The following FRMD6 variants were observed in gnomAD, a reference collection of about 807,000 sequenced individuals.
The protein encoded by FRMD6 is FERM domain containing 6.
FRMD6 carries 37 observed loss-of-function variants against 73.2 expected under a neutral mutation model. That is an observed-to-expected ratio of 0.51 (90% CI 0.39 to 0.66). The LOEUF (loss-of-function observed/expected upper bound fraction) is 0.66, where lower values mean the gene tolerates loss of function less well. Among genes scored for constraint, FRMD6 ranks in the 30% least tolerant of loss-of-function variants. FRMD6 has a pLI of 0.00. For synonymous variants in FRMD6, 273 were observed against 282.2 expected, an observed-to-expected ratio of 0.97 and a Z score of 0.33; for missense variants, 714 against 780.5, an observed-to-expected ratio of 0.91 and a Z score of 1.02.
chr14:51,458,638 A>G, the FRMD6 span, among the ~76,000 whole-genome samples: 2 of 152,232 alleles, frequency 1.3e-5, no homozygotes, highest in Non-Finnish European at 2.9e-5. Flanking sequence ...AGCAAAGTGA[A>G]AATGAAGAAT....
At chr14:51,665,099 A>G (rs1445354217) in intron 1 of FRMD6, among the ~76,000 whole-genome samples, 1 of 152,224 alleles carries the variant, frequency 6.6e-6, no homozygotes, top group Non-Finnish European at 1.5e-5. Flanking sequence ...TTGGCTGCAG[A>G]CATGTTTTGG....
the FRMD6 span, among the ~76,000 whole-genome samples, chr14:51,441,850 G>C: frequency 6.6e-6 from 1 of 152,188 alleles, no homozygotes; most frequent in African/African-American, 2.4e-5. Flanking sequence ...GAAAATTACT[G>C]TAAATATGCA....
At chr14:51,697,572 C>T (rs1055077838) in intron 2 of FRMD6, among the ~76,000 whole-genome samples, 1 of 151,938 alleles carries the variant, frequency 6.6e-6, no homozygotes, top group African/African-American at 2.4e-5. Context: ...ATTTATTGTA[C>T]AACGTGGTGA....
At chr14:51,722,185 A>T in intron 12 of FRMD6, 105 bp downstream of exon 12, 1 of 1,166,842 alleles carries the variant, frequency 8.6e-7, no homozygotes, top group Non-Finnish European at 1.2e-6. Flanking sequence ...CCTAGACCAG[A>T]GACTGGACTG....
intron 2 of FRMD6, among the ~76,000 whole-genome samples, chr14:51,690,889 A>G (rs903352635): frequency 6.6e-6 from 1 of 152,136 alleles, no homozygotes; most frequent in African/African-American, 2.4e-5. Context: ...TATAATTTAC[A>G]TACTGCAAAG....
chr14:51,700,080 T>TCAAAGTGTAG (rs1290864184), intron 3 of FRMD6, among the ~76,000 whole-genome samples: 2 of 151,888 alleles, frequency 1.3e-5, no homozygotes, highest in Non-Finnish European at 2.9e-5. Context: ...CAGCTTGGAG[T>TCAAAGTGTAG]CAAAGTGTAG....
the FRMD6 span, chr14:51,454,960 A>C: frequency 6.6e-6 from 1 of 152,232 alleles, no homozygotes; most frequent in Admixed American, 6.5e-5. Flanking sequence ...GCGAATAATT[A>C]AATGTAAAGA....
intron 1 of FRMD6, among the ~76,000 whole-genome samples, chr14:51,666,196 T>A (rs1341881078): frequency 1.3e-5 from 2 of 152,230 alleles, no homozygotes; most frequent in Non-Finnish European, 2.9e-5. Context: ...TATAATCCAT[T>A]TGAGTATGAA....
chr14:51,546,963 C>G (rs1886506583), intron 1 of FRMD6: 1 of 151,594 alleles, frequency 6.6e-6, no homozygotes, highest in Non-Finnish European at 1.5e-5. Context: ...CAAGTTTCAG[C>G]TAATAGGAGA....
chr14:51,504,974 C>T (rs1297117856), intron 1 of FRMD6, among the ~76,000 whole-genome samples: 1 of 152,192 alleles, frequency 6.6e-6, no homozygotes, highest in Non-Finnish European at 1.5e-5. Flanking sequence ...TTCTCAGGTC[C>T]TAGGCTTACA....
rs1428657735 is a variant in FRMD6, at chr14:51,603,936, T to C, written c.-147+33526T>C. 3.3e-5 allele frequency among the ~76,000 whole-genome samples: 3 copies of C among 89,580 alleles called. No homozygotes were observed. In the East Asian group the frequency reaches 8.9e-4, roughly 27 times the overall value. The allele number at this position is 89,580 out of a possible 152,430, so 58.8% of individuals were successfully genotyped here. A position where few individuals can be genotyped will look rare whatever the true frequency, so the allele number is the denominator to read the frequency against. On this transcript the variant is annotated intron_variant, in intron 2 of 14. Transcript: ENST00000356218. ...GTCCTGCCTTCCACGGTAATTTCTC[T>C]TGTGATACAAAAAAAAAAAAAAAGT... is the stretch of plus-strand genomic sequence containing the variant.
chr14:51,467,966 C>A, the FRMD6 span, among the ~76,000 whole-genome samples: 1 of 151,986 alleles, frequency 6.6e-6, no homozygotes, highest in African/African-American at 2.4e-5. Flanking sequence ...TTGTAGCGAG[C>A]CGAGATCACG....
the FRMD6 span, among the ~76,000 whole-genome samples, chr14:51,424,123 T>C: frequency 2.0e-5 from 3 of 152,214 alleles, no homozygotes; most frequent in African/African-American, 4.8e-5. Flanking sequence ...GCAAGGTACA[T>C]AAGCCTTGAT....
At chr14:51,727,493 T>G (rs913444937) in intron 13 of FRMD6, among the ~76,000 whole-genome samples, 2 of 152,198 alleles carry the variant, frequency 1.3e-5, no homozygotes, top group African/African-American at 4.8e-5. Context: ...TTAAATGAGT[T>G]AATGCATGCC....
At chr14:51,689,980 C>T (rs762089432) in intron 2 of FRMD6, 45 bp downstream of exon 2, 10 of 1,198,282 alleles carry the variant, frequency 8.3e-6, no homozygotes, top group Non-Finnish European at 1.2e-5. Context: ...TGTGTTTTCA[C>T]CAGTGGCCAC....
chr14:51,464,815 C>T, the FRMD6 span, among the ~76,000 whole-genome samples: 1 of 152,176 alleles, frequency 6.6e-6, no homozygotes, highest in Non-Finnish European at 1.5e-5. Context: ...CCCCAGAATG[C>T]TGCCAGCCAG....
the FRMD6 span, among the ~76,000 whole-genome samples, chr14:51,405,015 G>A: frequency 4.9e-4 from 75 of 152,248 alleles, no homozygotes; most frequent in Non-Finnish European, 9.4e-4. Flanking sequence ...TTACAAGTGA[G>A]AACATGCGGT....
chr14:51,577,650 G>C (rs551463151), intron 2 of FRMD6, among the ~76,000 whole-genome samples: 1 of 152,130 alleles, frequency 6.6e-6, no homozygotes, highest in Non-Finnish European at 1.5e-5. Flanking sequence ...ACTCTGCATG[G>C]AAAGTAGGAG....
chr14:51,727,134 A>G (rs1898010984), intron 13 of FRMD6, among the ~76,000 whole-genome samples: 6 of 152,006 alleles, frequency 3.9e-5, no homozygotes, highest in Admixed American at 3.9e-4. Flanking sequence ...CCTCTTCAAC[A>G]CCAAGAACAC....
Sources: gnomAD v4.1 joint callset for allele counts (sites outside exome capture counted in the v4.1 genomes callset) on GRCh38, gnomAD v4.1.1 for gene constraint, MANE v1.5 for transcripts, NCBI Gene and HGNC (gene_info 2026-07-23, HGNC 2026-07-21) for gene names.